RAD51B: variants seen among roughly 807,000 people sequenced by gnomAD.
RAD51B encodes the protein RAD51 paralog B.
RAD51B carries 38 observed loss-of-function variants against 42.2 expected under a neutral mutation model. The ratio of observed to expected loss-of-function variants is 0.90; its 90% CI spans 0.70 to 1.18. The LOEUF is 1.18. Among genes scored for constraint, RAD51B ranks in the 50% most tolerant of loss-of-function variants. RAD51B has a pLI of 0.00. For synonymous variants in RAD51B, 154 were observed against 145.2 expected (o/e 1.06, Z -0.43); for missense variants, 373 against 400.7 (o/e 0.93, Z 0.59).
At chr14:68,095,802 C>G (rs1262545248) in intron 7 of RAD51B, among the ~76,000 whole-genome samples, 1 of 151,656 alleles carries the variant, frequency 6.6e-6, no homozygotes, top group Non-Finnish European at 1.5e-5. Flanking sequence ...GGTGAAACAC[C>G]ATCTCTACTA....
chr14:67,886,774 C>A (rs2043073340), intron 6 of RAD51B: 1 of 307,474 alleles, frequency 3.3e-6, no homozygotes, highest in African/African-American at 2.2e-5. Flanking sequence ...TAGTTTTACC[C>A]CAGAATTGGA....
intron 7 of RAD51B, among the ~76,000 whole-genome samples, chr14:68,171,563 A>T (rs955106252): frequency 2.0e-5 from 3 of 151,898 alleles, no homozygotes; most frequent in African/African-American, 7.3e-5. Context: ...GGCCTCCCAA[A>T]GTGCTGGGAT....
At chr14:68,049,281 C>T (rs1269553013) in intron 7 of RAD51B, among the ~76,000 whole-genome samples, 1 of 152,090 alleles carries the variant, frequency 6.6e-6, no homozygotes. Context: ...GGGTGTAGCA[C>T]ACCAACATGG....
intron 8 of RAD51B, among the ~76,000 whole-genome samples, chr14:68,364,465 G>T (rs1173532974): frequency 2.0e-5 from 3 of 152,158 alleles, no homozygotes; most frequent in African/African-American, 4.8e-5. Context: ...TTCCCGCTGT[G>T]CCTGGAGGGA....
At chr14:68,194,209 G>A (rs949806784) in intron 7 of RAD51B, among the ~76,000 whole-genome samples, 9 of 152,194 alleles carry the variant, frequency 5.9e-5, no homozygotes, top group Non-Finnish European at 1.2e-4. Context: ...GTAATGGAAC[G>A]CAAGGACTAC....
At chr14:68,134,600 T>C (rs564395226) in intron 7 of RAD51B, among the ~76,000 whole-genome samples, 1 of 152,330 alleles carries the variant, frequency 6.6e-6, no homozygotes, top group South Asian at 2.1e-4. Context: ...AGCGTTATCA[T>C]TAATTTTTAA....
chr14:68,177,655 G>A (rs964268326), intron 7 of RAD51B, among the ~76,000 whole-genome samples: 1 of 151,812 alleles, frequency 6.6e-6, no homozygotes, highest in Non-Finnish European at 1.5e-5. Context: ...AAAATAAGAA[G>A]CAATTAAGTT....
At chr14:68,251,067 C>T (rs976490160) in intron 7 of RAD51B, among the ~76,000 whole-genome samples, 1 of 152,132 alleles carries the variant, frequency 6.6e-6, no homozygotes, top group African/African-American at 2.4e-5. Context: ...CTGGACAAAA[C>T]AACTTTGTCT....
intron 8 of RAD51B, among the ~76,000 whole-genome samples, chr14:68,385,995 C>T (rs530161354): frequency 1.3e-5 from 2 of 152,320 alleles, no homozygotes; most frequent in Admixed American, 1.3e-4. Context: ...AGTCTGTGCT[C>T]TTAGCCACTT....
chr14:68,299,979 C>G (rs761452016), intron 8 of RAD51B, among the ~76,000 whole-genome samples: 14 of 152,278 alleles, frequency 9.2e-5, no homozygotes, highest in Non-Finnish European at 1.6e-4. Context: ...TTCATCCATT[C>G]AGCCATAACA....
At chr14:68,410,190 A>G (rs984426386) in intron 8 of RAD51B, among the ~76,000 whole-genome samples, 2 of 152,176 alleles carry the variant, frequency 1.3e-5, no homozygotes, top group Admixed American at 6.5e-5. Flanking sequence ...GACATTGCCA[A>G]TAAAATCACC....
intron 4 of RAD51B, among the ~76,000 whole-genome samples, chr14:67,852,330 T>C (rs977441176): frequency 6.6e-6 from 1 of 152,214 alleles, no homozygotes; most frequent in South Asian, 2.1e-4. Context: ...CTGGCCTCCC[T>C]TGGTGGGACT....
At chr14:68,399,325 C>T (rs1271334813) in intron 8 of RAD51B, among the ~76,000 whole-genome samples, 16 of 148,204 alleles carry the variant, frequency 1.1e-4, no homozygotes, top group East Asian at 4.0e-4. Context: ...GGCGCAATCT[C>T]GGCTCACTGC....
At chr14:68,110,126 A>G (rs1195100987) in intron 7 of RAD51B, among the ~76,000 whole-genome samples, 1 of 151,974 alleles carries the variant, frequency 6.6e-6, no homozygotes, top group Non-Finnish European at 1.5e-5. Flanking sequence ...AAGAAATTGG[A>G]AAGTAAGTTT....
At chr14:68,483,763 T>C (rs1456985769) in intron 10 of RAD51B, among the ~76,000 whole-genome samples, 3 of 152,222 alleles carry the variant, frequency 2.0e-5, no homozygotes, top group Non-Finnish European at 4.4e-5. Flanking sequence ...TCCATGTGTT[T>C]TCAGTCAAGT....
intron 7 of RAD51B, among the ~76,000 whole-genome samples, chr14:68,120,398 A>T (rs917943416): frequency 4.6e-5 from 7 of 152,148 alleles, no homozygotes; most frequent in African/African-American, 1.7e-4. Flanking sequence ...TAGGCCATAT[A>T]AGTGGTTTAA....
At chr14:68,282,560 C>T (rs1484696543) in intron 7 of RAD51B, among the ~76,000 whole-genome samples, 1 of 152,148 alleles carries the variant, frequency 6.6e-6, no homozygotes, top group African/African-American at 2.4e-5. Context: ...TCAGCTGCCC[C>T]CACCCCTCCT....
chr14:67,879,210 C>CA (rs930586101), intron 5 of RAD51B, among the ~76,000 whole-genome samples: 2 of 152,230 alleles, frequency 1.3e-5, no homozygotes, highest in African/African-American at 4.8e-5. Flanking sequence ...GGTGGAATTT[C>CA]ATCTTTTTAA....
chr14:68,327,696 G>A (rs1490727560), intron 8 of RAD51B, among the ~76,000 whole-genome samples: 1 of 151,006 alleles, frequency 6.6e-6, no homozygotes, highest in Non-Finnish European at 1.5e-5. Context: ...TAACCATTAT[G>A]AGTAGATATT....
Sources: gnomAD v4.1 joint callset for allele counts (sites outside exome capture counted in the v4.1 genomes callset) on GRCh38, gnomAD v4.1.1 for gene constraint, MANE v1.5 for transcripts, NCBI Gene and HGNC (gene_info 2026-07-23, HGNC 2026-07-21) for gene names.